RORA: variants seen among roughly 807,000 people sequenced by gnomAD.
RORA encodes nuclear receptor ROR-alpha.
RORA carries 7 observed loss-of-function variants against 69.5 expected under a neutral mutation model. The ratio of observed to expected loss-of-function variants is 0.10; its 90% confidence interval spans 0.06 to 0.19. The LOEUF is 0.19. RORA is among the 10% of genes least tolerant of loss of function. The pLI, the probability that RORA is intolerant of heterozygous loss-of-function variation, is 1.00. For synonymous variants in RORA, 261 were observed against 240.8 expected, an observed-to-expected ratio of 1.08 and a Z score of -0.78; for missense variants, 457 against 663.0, an observed-to-expected ratio of 0.69 and a Z score of 3.41.
At chr15:60,595,518 GAA>G (rs796526731) in intron 2 of RORA, among the ~76,000 whole-genome samples, 1 of 139,144 alleles carries the variant, frequency 7.2e-6, no homozygotes, top group African/African-American at 2.6e-5. Context: ...CTGTCTCAAG[GAA>G]AAAAAAAAAT....
At chr15:60,927,715 A>C (rs185509177) in intron 1 of RORA, among the ~76,000 whole-genome samples, 1 of 152,336 alleles carries the variant, frequency 6.6e-6, no homozygotes, top group African/African-American at 2.4e-5. Flanking sequence ...TGGAGGTTGC[A>C]ATGAGCCAAG....
rs1313162418 is a variant in RORA at position 60,855,635 on chromosome 15, A to G, written c.167-176949T>C. Among the ~76,000 whole-genome samples the G allele has an allele frequency of 2.7e-5, 4 of 149,988 alleles. No homozygotes were observed. In the East Asian group the frequency reaches 7.8e-4, roughly 29 times the overall value. ...TTTTATTTATTTATTTATTTATTTA[A>G]TGAAACTAAGTCTCGCTCTGTCGCC... On this transcript the variant is annotated intron_variant, in intron 1 of 10. Coordinates refer to ENST00000335670, the MANE Select transcript of RORA (RefSeq NM_134261.3).
intron 1 of RORA, among the ~76,000 whole-genome samples, chr15:61,120,543 CA>C (rs887712691): frequency 6.6e-6 from 1 of 151,056 alleles, no homozygotes; most frequent in African/African-American, 2.4e-5. Flanking sequence ...ACTAAAAATG[CA>C]AAAAAAATTA....
chr15:60,717,451 G>A (rs1173915609), intron 1 of RORA, among the ~76,000 whole-genome samples: 1 of 152,170 alleles, frequency 6.6e-6, no homozygotes, highest in Non-Finnish European at 1.5e-5. Context: ...GTCCCAGCAG[G>A]AAAGACTTGA....
intron 2 of RORA, chr15:60,627,148 T>G (rs1567132023): frequency 8.7e-7 from 1 of 1,144,998 alleles, no homozygotes; most frequent in Non-Finnish European, 1.3e-6. Context: ...CTTGGAGAAC[T>G]GACTTTAAGC....
intron 1 of RORA, among the ~76,000 whole-genome samples, chr15:61,175,454 C>T (rs2079619363): frequency 6.7e-6 from 1 of 150,324 alleles, no homozygotes; most frequent in African/African-American, 2.4e-5. Context: ...TACCTATAAC[C>T]CCAGCACTCT....
chr15:60,690,014 C>T (rs548940837), intron 1 of RORA, among the ~76,000 whole-genome samples: 7 of 152,336 alleles, frequency 4.6e-5, no homozygotes, highest in Non-Finnish European at 8.8e-5. Context: ...AAAACAATTT[C>T]TGTTGTTTTA....
intron 1 of RORA, among the ~76,000 whole-genome samples, chr15:60,920,806 G>C (rs946967456): frequency 1.3e-5 from 2 of 152,170 alleles, no homozygotes; most frequent in Non-Finnish European, 2.9e-5. Flanking sequence ...TTATGTTCAT[G>C]TTTCTCTCTG....
At chr15:61,204,453 G>C (rs537743244) in intron 1 of RORA, among the ~76,000 whole-genome samples, 3 of 152,344 alleles carry the variant, frequency 2.0e-5, no homozygotes, top group Non-Finnish European at 2.9e-5. Context: ...AGAATGCAGA[G>C]CATGTTGGAG....
intron 1 of RORA, among the ~76,000 whole-genome samples, chr15:61,089,874 G>C (rs2078679403): frequency 6.6e-6 from 1 of 152,178 alleles, no homozygotes; most frequent in Admixed American, 6.5e-5. Context: ...GCTTTCCAAA[G>C]ATGGAGGGTA....
At chr15:60,976,235 G>A (rs113468671) in intron 1 of RORA, among the ~76,000 whole-genome samples, 3,980 of 152,276 alleles carry the variant, frequency 0.026, 85 homozygotes, top group Middle Eastern at 0.048. Context: ...TAAGCCTGTG[G>A]TGGAGCAAAC....
chr15:60,920,959 G>T (rs765417627), intron 1 of RORA, among the ~76,000 whole-genome samples: 31 of 152,140 alleles, frequency 2.0e-4, no homozygotes, highest in Non-Finnish European at 4.0e-4. Flanking sequence ...GGGCCTTGGG[G>T]CTCATGATCA....
chr15:60,531,855 C>A lies in RORA; in HGVS notation c.197-4G>T. On this transcript the variant is annotated splice_polypyrimidine_tract_variant and splice_region_variant and intron_variant, in intron 2 of 10. Transcript: ENST00000335670. This position sits in a 1 kb window ranked among gnomAD's most constrained non-coding sequence, Gnocchi z 4.8. Reference sequence around the variant, plus strand: ...CATGGAATAATTTCAATTTGAGCTGCAACAGAAGCACGCAACCAGTTAATT... The same window carrying A: ...CATGGAATAATTTCAATTTGAGCTGAAACAGAAGCACGCAACCAGTTAATT... 6.4e-7 allele frequency: 1 copy of A among 1,570,272 alleles called. No individual in the cohort carries two copies. The highest frequency in any genetic ancestry group is 8.6e-7 in the Non-Finnish European group (1 of 1,157,168).
At chr15:60,677,953 T>C (rs1004255589) in intron 2 of RORA, among the ~76,000 whole-genome samples, 3 of 152,250 alleles carry the variant, frequency 2.0e-5, no homozygotes, top group African/African-American at 7.2e-5. Context: ...CCTGCATCAA[T>C]GATGTCTTGT....
chr15:61,180,024 G>C (rs988482672), intron 1 of RORA, among the ~76,000 whole-genome samples: 2 of 150,106 alleles, frequency 1.3e-5, no homozygotes, highest in Non-Finnish European at 3.0e-5. Context: ...CATGCCTGTA[G>C]TCCCAGCTAC....
chr15:60,493,949 T>TCTCACA lies in RORA; in HGVS notation c.*3505_*3506insTGTGAG, dbSNP rs370423069. On this transcript the variant is annotated 3_prime_UTR_variant, in exon 11 of 11. Transcript: ENST00000335670. Reference sequence around the variant, plus strand: ...CGCACACACATCATACACATGCAAATCACACACACACACACACACACACAC... The same window carrying TCTCACA: ...CGCACACACATCATACACATGCAAATCTCACACACACACACACACACACACACACAC... 8 of 143,966 alleles carry TCTCACA rather than the reference T, an allele frequency of 5.6e-5. No homozygotes were observed. The highest frequency in any genetic ancestry group is 1.1e-4 in the Non-Finnish European group (7 of 66,094). The allele number at this position is 143,966 out of a possible 1,614,324, so 8.9% of individuals were successfully genotyped here.
chr15:61,219,448 G>A (rs904463652), intron 1 of RORA, among the ~76,000 whole-genome samples: 3 of 152,154 alleles, frequency 2.0e-5, no homozygotes, highest in Non-Finnish European at 2.9e-5. Context: ...GGTGGCTGGC[G>A]CCTATTGTTC....
At chr15:60,671,743 C>T (rs1340039666) in intron 2 of RORA, among the ~76,000 whole-genome samples, 3 of 151,824 alleles carry the variant, frequency 2.0e-5, no homozygotes, top group Non-Finnish European at 4.4e-5. Flanking sequence ...TCCCAAGTAG[C>T]TGAGATTACA....
At chr15:60,889,125 A>G (rs928179937) in intron 1 of RORA, among the ~76,000 whole-genome samples, 4 of 152,098 alleles carry the variant, frequency 2.6e-5, no homozygotes, top group Admixed American at 1.3e-4. Flanking sequence ...CATGTCGCAC[A>G]CTTATGCTGT....
Sources: gnomAD v4.1 joint callset for allele counts (sites outside exome capture counted in the v4.1 genomes callset) on GRCh38, gnomAD v4.1.1 for gene constraint, Gnocchi (gnomAD v3.1) non-coding constraint, MANE v1.5 for transcripts, NCBI Gene and HGNC (gene_info 2026-07-23, HGNC 2026-07-21) for gene names.